Variants in PCDH11X observed in about 807,000 individuals in gnomAD.
PCDH11X encodes the protein protocadherin 11 X-linked.
A neutral mutation model predicts 53.3 loss-of-function variants in PCDH11X; 18 were observed. That is an observed-to-expected ratio of 0.34 (90% CI 0.23 to 0.50). PCDH11X has a LOEUF of 0.50. Ranked by LOEUF, PCDH11X falls within the 20% of genes least tolerant of loss-of-function variation. The probability of loss-of-function intolerance (pLI) is 0.98; values close to 1 mark genes in which losing one functional copy is unlikely to be tolerated. For synonymous variants in PCDH11X, 279 were observed against 393.3 expected, an observed-to-expected ratio of 0.71 and a Z score of 3.44; for missense variants, 570 against 1,032.4, an observed-to-expected ratio of 0.55 and a Z score of 6.14.
intron 6 of PCDH11X, among the ~76,000 whole-genome samples, chrX:92,104,858 T>G (rs1415068075): frequency 9.2e-6 from 1 of 108,920 alleles, no homozygotes; most frequent in Non-Finnish European, 1.9e-5. Context: ...GGCACAGAGA[T>G]AAGAGGTTGG....
At chrX:92,132,673 ATG>A (rs1339898719) in intron 6 of PCDH11X, among the ~76,000 whole-genome samples, 5 of 53,548 alleles carry the variant, frequency 9.3e-5, no homozygotes, top group Non-Finnish European at 1.5e-4. Flanking sequence ...ATATATGTAT[ATG>A]TATATATATA....
At chrX:92,206,513 A>T (rs1215286404) in intron 7 of PCDH11X, among the ~76,000 whole-genome samples, 1 of 110,758 alleles carries the variant, frequency 9.0e-6, no homozygotes, top group Admixed American at 9.7e-5. Flanking sequence ...TGACTTTTTA[A>T]AAAATTTTTA....
chrX:91,923,694 A>G (rs1484174287), intron 6 of PCDH11X, among the ~76,000 whole-genome samples: 2 of 107,107 alleles, frequency 1.9e-5, no homozygotes, highest in Non-Finnish European at 3.9e-5. Context: ...TTCCTAATAA[A>G]CTTCCCTTCA....
chrX:92,073,522 A>G (rs1199867870), intron 6 of PCDH11X, among the ~76,000 whole-genome samples: 6 of 112,805 alleles, frequency 5.3e-5, no homozygotes, highest in Admixed American at 4.7e-4. Context: ...AAGGAGTGAG[A>G]ATAAAATAAG....
chrX:92,296,177 A>C (rs2068605574), intron 8 of PCDH11X, among the ~76,000 whole-genome samples: 1 of 111,411 alleles, frequency 9.0e-6, no homozygotes, highest in Non-Finnish European at 1.9e-5. Flanking sequence ...GATCCCTGGA[A>C]TAAATCCCAC....
Position 92,208,209 on chromosome X carries a change from A to C in PCDH11X, c.3114+6754A>C, listed in dbSNP as rs1046036623. Among the ~76,000 whole-genome samples, 33 of 105,876 alleles carry C rather than the reference A, an allele frequency of 3.1e-4. No homozygotes were observed. In the East Asian group the frequency reaches 4.1e-3, roughly 13 times the overall value. The allele number at this position is 105,876 out of a possible 115,157, so 91.9% of individuals were successfully genotyped here. ...GACTCCATCTAAAAAAAAAAAAAAA[A>C]AAAAAAAAACTTTTCTTTAAAAATT... is the stretch of plus-strand genomic sequence containing the variant. On this transcript the variant is annotated intron_variant, in intron 7 of 10. Coordinates refer to ENST00000682573, the MANE Select transcript of PCDH11X (RefSeq NM_032968.5).
intron 7 of PCDH11X, among the ~76,000 whole-genome samples, chrX:92,238,373 A>G (rs2067207074): frequency 8.9e-6 from 1 of 111,735 alleles, no homozygotes; most frequent in African/African-American, 3.2e-5. Context: ...TTCAATAGGC[A>G]GAATGGCATT....
chrX:92,277,693 G>T (rs1042562125), intron 8 of PCDH11X, among the ~76,000 whole-genome samples: 4 of 109,375 alleles, frequency 3.7e-5, no homozygotes, highest in African/African-American at 1.3e-4. Flanking sequence ...AGGGGTCAGG[G>T]CACGGAAATA....
chrX:91,828,277 G>A (rs1031750187), intron 4 of PCDH11X, among the ~76,000 whole-genome samples: 3 of 109,202 alleles, frequency 2.7e-5, no homozygotes, highest in Non-Finnish European at 5.7e-5. Flanking sequence ...CCGCCACCAC[G>A]CCCGGCTAAT....
chrX:92,444,899 G>T (rs1453033169), intron 9 of PCDH11X, among the ~76,000 whole-genome samples: 1 of 94,028 alleles, frequency 1.1e-5, no homozygotes, highest in Non-Finnish European at 2.2e-5. Context: ...GCAGTCTCAT[G>T]AATAATGCCT....
rs1472499298 is a variant in PCDH11X at position 92,423,641 on chromosome X, T to C, written c.3343+35708T>C. ...GTTTCAGGTCTTAGATTTAAGTCCT[T>C]GTTGCATCTTAAGTTGATTTTTATA... On this transcript the variant is annotated intron_variant, in intron 9 of 10. Coordinates refer to ENST00000682573, the MANE Select transcript of PCDH11X (RefSeq NM_032968.5). Among the ~76,000 whole-genome samples, 6 of 93,834 alleles carry C rather than the reference T, an allele frequency of 6.4e-5. 1 individual carries two copies. Among genetic ancestry groups the C allele is most frequent in the Non-Finnish European group, 1.4e-4 (6 of 42,787 alleles). 81.5% of individuals were successfully genotyped at this position (93,834 alleles called of 115,157 possible).
At chrX:92,274,946 G>C (rs1350118100) in intron 8 of PCDH11X, among the ~76,000 whole-genome samples, 1 of 110,448 alleles carries the variant, frequency 9.1e-6, no homozygotes, top group Non-Finnish European at 1.9e-5. Flanking sequence ...AATAATGTGG[G>C]AGGCCAGTTT....
intron 5 of PCDH11X, among the ~76,000 whole-genome samples, chrX:91,857,457 T>C (rs1026348900): frequency 3.6e-5 from 4 of 111,512 alleles, no homozygotes; most frequent in African/African-American, 9.8e-5. Context: ...AAGTCTTAAC[T>C]TATTTCAACA....
intron 9 of PCDH11X, among the ~76,000 whole-genome samples, chrX:92,431,397 A>G (rs2072246775): frequency 9.0e-6 from 1 of 110,669 alleles, no homozygotes; most frequent in African/African-American, 3.3e-5. Flanking sequence ...AGTATGAAGG[A>G]CTTACAAAAT....
chrX:92,121,023 A>G (rs1463138646), intron 6 of PCDH11X, among the ~76,000 whole-genome samples: 1 of 103,149 alleles, frequency 9.7e-6, no homozygotes, highest in Non-Finnish European at 2.0e-5. Context: ...TAGTATAAGT[A>G]TGTAGCTGAG....
intron 10 of PCDH11X, among the ~76,000 whole-genome samples, chrX:92,499,465 A>G (rs1270778980): frequency 1.1e-5 from 1 of 87,685 alleles, no homozygotes; most frequent in African/African-American, 3.9e-5. Flanking sequence ...ACAAAAAAAC[A>G]GTGGATAGTT....
At chrX:92,463,877 A>T (rs1248033663) in intron 9 of PCDH11X, among the ~76,000 whole-genome samples, 2 of 111,122 alleles carry the variant, frequency 1.8e-5, no homozygotes, top group Non-Finnish European at 3.8e-5. Context: ...AAAAAAAAGT[A>T]CAACTCTAGG....
Position 92,621,808 on chromosome X carries a change from G to A in PCDH11X, c.*2868G>A, listed in dbSNP as rs909975482. ...TCAAAAAATGGTTCTGTTTTAAAAA[G>A]GATTTTGTTTGATTTGAAATTAAAA... On this transcript the variant is annotated 3_prime_UTR_variant, in exon 11 of 11. Coordinates refer to ENST00000682573, the MANE Select transcript of PCDH11X (RefSeq NM_032968.5). 9 of 111,418 alleles carry A rather than the reference G, an allele frequency of 8.1e-5. No individual in the cohort carries two copies. The highest frequency in any genetic ancestry group is 2.9e-4 in the African/African-American group (9 of 30,663). 9.2% of individuals were successfully genotyped at this position (111,418 alleles called of 1,213,427 possible). A position where few individuals can be genotyped will look rare whatever the true frequency, so the allele number is the denominator to read the frequency against.
intron 10 of PCDH11X, among the ~76,000 whole-genome samples, chrX:92,547,602 T>C (rs2074877903): frequency 9.0e-6 from 1 of 111,362 alleles, no homozygotes; most frequent in African/African-American, 3.3e-5. Flanking sequence ...ACTTTTCTTA[T>C]ACCATTATGA....
Sources: allele counts gnomAD v4.1 joint callset (sites outside exome capture counted in the v4.1 genomes callset), GRCh38; gene constraint gnomAD v4.1.1; transcripts MANE v1.5; gene names NCBI Gene and HGNC (gene_info 2026-07-23, HGNC 2026-07-21).